The following CSMD1 variants were observed in gnomAD, a reference collection of about 807,000 sequenced individuals.
CSMD1 encodes the protein CUB and Sushi multiple domains 1.
Under a neutral mutation model 417.5 loss-of-function variants are expected in CSMD1, and 213 were observed. The ratio of observed to expected loss-of-function variants is 0.51; its 90% CI spans 0.46 to 0.57. CSMD1 has a LOEUF of 0.57. Among genes scored for constraint, CSMD1 ranks in the 20% least tolerant of loss-of-function variants. The probability of loss-of-function intolerance (pLI) is 0.00; values close to 1 mark genes in which losing one functional copy is unlikely to be tolerated. For missense variants in CSMD1, 6,923 were observed against 4,529.7 expected (o/e 1.53, Z -15.17); for synonymous variants, 2,862 against 1,736.8 (o/e 1.65, Z -16.11).
chr8:4,815,644 T>A (rs1217994137), intron 1 of CSMD1, among the ~76,000 whole-genome samples: 2 of 133,016 alleles, frequency 1.5e-5, no homozygotes, highest in Admixed American at 1.8e-4. Context: ...TGCAGTGAAC[T>A]GAGGCTGCAC....
chr8:3,117,107 C>G (rs1197511608), intron 42 of CSMD1, among the ~76,000 whole-genome samples: 1 of 152,014 alleles, frequency 6.6e-6, no homozygotes, highest in African/African-American at 2.4e-5. Context: ...GTCTCACTCT[C>G]TCGCCCAGGC....
rs79877987 is a variant in CSMD1 at position 4,233,555 on chromosome 8, C to A, written c.415+186398G>T. On this transcript the variant is annotated intron_variant, in intron 3 of 69. Coordinates refer to ENST00000635120, the MANE Select transcript of CSMD1 (RefSeq NM_033225.6). Reference sequence around the variant, plus strand: ...AGAGCTCTCTCACACCTTCCACTGTCTGAGGACACAGGGAGAAGGCCCTGT... The same window carrying A: ...AGAGCTCTCTCACACCTTCCACTGTATGAGGACACAGGGAGAAGGCCCTGT... Among the ~76,000 whole-genome samples, 594 of 152,242 alleles carry A rather than the reference C, an allele frequency of 3.9e-3. 4 individuals carry two copies. The highest frequency in any genetic ancestry group is 0.014 in the African/African-American group (567 of 41,560).
intron 3 of CSMD1, among the ~76,000 whole-genome samples, chr8:4,377,558 G>T (rs990083484): frequency 6.6e-6 from 1 of 152,130 alleles, no homozygotes; most frequent in Non-Finnish European, 1.5e-5. Flanking sequence ...AGTCAGTAAA[G>T]GTGCTGGACT....
rs180922472 is a variant in CSMD1, at chr8:4,198,412, T to A, written c.416-166313A>T. ...ACAGAGACTTTTCAGAATTTTCAGA[T>A]TGGCAATATAGATAAGCCATACCTG... is the stretch of plus-strand genomic sequence containing the variant. On this transcript the variant is annotated intron_variant, in intron 3 of 69. Coordinates refer to ENST00000635120, the MANE Select transcript of CSMD1 (RefSeq NM_033225.6). 5.3e-5 allele frequency among the ~76,000 whole-genome samples: 8 copies of A among 152,300 alleles called. No homozygotes were observed. The East Asian group carries it at 1.4e-3, about 26-fold the overall frequency.
chr8:3,147,835 G>C (rs980620639), intron 40 of CSMD1, among the ~76,000 whole-genome samples: 3 of 152,220 alleles, frequency 2.0e-5, no homozygotes, highest in Admixed American at 2.0e-4. Flanking sequence ...AGGCAGAGTA[G>C]TGATAGCAAT....
intron 2 of CSMD1, among the ~76,000 whole-genome samples, chr8:4,634,791 G>C (rs1158141278): frequency 6.6e-6 from 1 of 152,114 alleles, no homozygotes; most frequent in Non-Finnish European, 1.5e-5. Flanking sequence ...TGTTGAAAGA[G>C]AAAACACCTC....
intron 1 of CSMD1, among the ~76,000 whole-genome samples, chr8:4,817,782 G>C: frequency 6.6e-6 from 1 of 152,162 alleles, no homozygotes; most frequent in East Asian, 1.9e-4. Context: ...AATGTGATTA[G>C]AAATACACCA....
intron 5 of CSMD1, among the ~76,000 whole-genome samples, chr8:3,902,650 G>T (rs758634181): frequency 7.9e-5 from 12 of 152,038 alleles, no homozygotes; most frequent in African/African-American, 2.7e-4. Context: ...GGTAATTCTT[G>T]CTCATTGCCA....
chr8:4,282,659 T>C (rs1353190082), intron 3 of CSMD1, among the ~76,000 whole-genome samples: 1 of 152,202 alleles, frequency 6.6e-6, no homozygotes, highest in Admixed American at 6.5e-5. Context: ...TTTATTTATT[T>C]GAATACCAGT....
chr8:4,844,300 C>A (rs1455142697), intron 1 of CSMD1, among the ~76,000 whole-genome samples: 7 of 152,132 alleles, frequency 4.6e-5, no homozygotes, highest in African/African-American at 1.7e-4. Flanking sequence ...TGTCCTCCAG[C>A]ATCAGTAGAT....
chr8:4,374,578 A>C lies in CSMD1; in HGVS notation c.415+45375T>G, dbSNP rs142872350. Among the ~76,000 whole-genome samples, 355 of 152,256 alleles carry C rather than the reference A, an allele frequency of 2.3e-3. 11 individuals are homozygous for C. In the East Asian group the frequency reaches 0.061, roughly 26 times the overall value. ...GACTCACACTGTCCAGGAATGAGCC[A>C]TGGGAAGACAAGGGAAGCAGCTAAG... On this transcript the variant is annotated intron_variant, in intron 3 of 69. Coordinates refer to ENST00000635120, the MANE Select transcript of CSMD1 (RefSeq NM_033225.6).
intron 5 of CSMD1, among the ~76,000 whole-genome samples, chr8:3,956,709 C>T (rs1005406823): frequency 6.6e-6 from 1 of 152,098 alleles, no homozygotes; most frequent in African/African-American, 2.4e-5. Context: ...ATTTGAAACC[C>T]TACTCTAAGG....
chr8:4,888,033 A>G (rs1264700191), intron 1 of CSMD1, among the ~76,000 whole-genome samples: 1 of 152,004 alleles, frequency 6.6e-6, no homozygotes, highest in Admixed American at 6.6e-5. Flanking sequence ...TTTTTGACCC[A>G]TATATGCCAC....
At chr8:4,442,532 G>A (rs2129706500) in intron 2 of CSMD1, among the ~76,000 whole-genome samples, 1 of 152,180 alleles carries the variant, frequency 6.6e-6, no homozygotes, top group South Asian at 2.1e-4. Flanking sequence ...TTTACCTGAA[G>A]AACCTCTCAA....
chr8:4,393,498 T>C (rs749233482), intron 3 of CSMD1, among the ~76,000 whole-genome samples: 1 of 152,170 alleles, frequency 6.6e-6, no homozygotes, highest in African/African-American at 2.4e-5. Context: ...ACTATGTAGA[T>C]TTAAACATAT....
intron 3 of CSMD1, among the ~76,000 whole-genome samples, chr8:4,324,657 G>A (rs1344310388): frequency 6.6e-6 from 1 of 152,152 alleles, no homozygotes; most frequent in Non-Finnish European, 1.5e-5. Context: ...CACTGCTCCT[G>A]GAAGATCCAG....
At chr8:4,969,729 T>C (rs1810116526) in intron 1 of CSMD1, among the ~76,000 whole-genome samples, 1 of 152,102 alleles carries the variant, frequency 6.6e-6, no homozygotes, top group African/African-American at 2.4e-5. Context: ...TCTTCCACAC[T>C]ATTGCACTAT....
At chr8:3,410,702 C>T (rs1448651220) in intron 12 of CSMD1, among the ~76,000 whole-genome samples, 1 of 152,060 alleles carries the variant, frequency 6.6e-6, no homozygotes, top group Non-Finnish European at 1.5e-5. Context: ...TAAAAACAGA[C>T]TAATACAGGG....
At chr8:3,146,755 C>G (rs975825871) in intron 40 of CSMD1, among the ~76,000 whole-genome samples, 10 of 152,132 alleles carry the variant, frequency 6.6e-5, no homozygotes, top group African/African-American at 2.2e-4. Context: ...ATTAGGAAAG[C>G]CAGGTAAGAT....
Sources: allele counts gnomAD v4.1 joint callset (sites outside exome capture counted in the v4.1 genomes callset), GRCh38; gene constraint gnomAD v4.1.1; transcripts MANE v1.5; gene names NCBI Gene and HGNC (gene_info 2026-07-23, HGNC 2026-07-21).